SORCS3: variants seen among roughly 807,000 people sequenced by gnomAD.
SORCS3 encodes the protein sortilin related VPS10 domain containing receptor 3.
A neutral mutation model predicts 146.3 loss-of-function variants in SORCS3; 57 were observed. The ratio of observed to expected loss-of-function variants is 0.39; its 90% CI spans 0.31 to 0.49. The LOEUF (loss-of-function observed/expected upper bound fraction) is 0.49. Ranked by LOEUF, SORCS3 falls within the 20% of genes least tolerant of loss-of-function variation. The probability of loss-of-function intolerance (pLI) is 0.92; values close to 1 mark genes in which losing one functional copy is unlikely to be tolerated. For missense variants in SORCS3, 1,341 were observed against 1,575.5 expected, an observed-to-expected ratio of 0.85 and a Z score of 2.52; for synonymous variants, 653 against 618.5, an observed-to-expected ratio of 1.06 and a Z score of -0.83.
chr10:104,996,754 G>A (rs1339100475), intron 4 of SORCS3, among the ~76,000 whole-genome samples: 1 of 152,114 alleles, frequency 6.6e-6, no homozygotes, highest in Non-Finnish European at 1.5e-5. Context: ...ATTACTTAAT[G>A]TGTGAGAAAG....
chr10:105,190,590 G>A (rs904309166), intron 14 of SORCS3, among the ~76,000 whole-genome samples: 5 of 152,072 alleles, frequency 3.3e-5, no homozygotes, highest in African/African-American at 1.2e-4. Context: ...GTAGAGACGG[G>A]ACGGGGTTTC....
intron 14 of SORCS3, among the ~76,000 whole-genome samples, chr10:105,194,471 G>T (rs777316781): frequency 2.0e-5 from 3 of 152,156 alleles, no homozygotes; most frequent in Non-Finnish European, 2.9e-5. Context: ...CTAGCAATGG[G>T]TTTCTGAAAA....
intron 12 of SORCS3, 78 bp from the exon 13 acceptor site, chr10:105,167,180 T>A: frequency 8.7e-7 from 1 of 1,147,026 alleles, no homozygotes; most frequent in Non-Finnish European, 1.3e-6. Flanking sequence ...ACAATATATG[T>A]GAAAGACTGT....
At chr10:105,124,558 A>G (rs974930806) in intron 7 of SORCS3, among the ~76,000 whole-genome samples, 2 of 152,110 alleles carry the variant, frequency 1.3e-5, no homozygotes, top group African/African-American at 4.8e-5. Context: ...CTGCTATTAG[A>G]TTTGGAACTG....
chr10:104,751,951 A>G lies in SORCS3; in HGVS notation c.628-90841A>G. ...TATATATATATATATATATATATATATATATATATATATATATAATAGTTT... is the reference window on the plus strand; with the variant it reads ...TATATATATATATATATATATATATGTATATATATATATATATAATAGTTT... On this transcript the variant is annotated intron_variant, in intron 1 of 26. Transcript: ENST00000369701. 3.4e-5 allele frequency among the ~76,000 whole-genome samples: 4 copies of G among 116,740 alleles called. No individual in the cohort carries two copies. In the South Asian group the frequency reaches 1.1e-3, roughly 33 times the overall value. 76.6% of individuals were successfully genotyped at this position (116,740 alleles called of 152,430 possible).
chr10:105,048,298 G>T (rs7067592), intron 5 of SORCS3, among the ~76,000 whole-genome samples: 138,580 of 144,458 alleles, frequency 0.96, 66,652 homozygotes, highest in Non-Finnish European at 0.99. Flanking sequence ...TGTCCAACAG[G>T]GATAGACTGG....
intron 1 of SORCS3, among the ~76,000 whole-genome samples, chr10:104,716,788 G>A (rs1323837736): frequency 6.6e-6 from 1 of 152,170 alleles, no homozygotes; most frequent in African/African-American, 2.4e-5. Flanking sequence ...CTGAAGTTGA[G>A]TCTCAGGTCA....
At chr10:105,135,066 T>C (rs1200034594) in intron 7 of SORCS3, among the ~76,000 whole-genome samples, 3 of 151,378 alleles carry the variant, frequency 2.0e-5, no homozygotes, top group Admixed American at 2.0e-4. Flanking sequence ...CTCGGTGAAG[T>C]CCAAAACCCA....
At chr10:104,779,168 G>A (rs567203945) in intron 1 of SORCS3, among the ~76,000 whole-genome samples, 1 of 152,358 alleles carries the variant, frequency 6.6e-6, no homozygotes, top group South Asian at 2.1e-4. Flanking sequence ...GGAGCCTCCA[G>A]ACAGAGCCAG....
chr10:105,087,023 T>C (rs2055666253), intron 5 of SORCS3, among the ~76,000 whole-genome samples: 1 of 152,010 alleles, frequency 6.6e-6, no homozygotes, highest in Non-Finnish European at 1.5e-5. Context: ...TCCTGAATGG[T>C]ATTGCTTAGA....
chr10:105,048,224 C>T (rs1453592009), intron 5 of SORCS3, among the ~76,000 whole-genome samples: 14 of 150,242 alleles, frequency 9.3e-5, no homozygotes, highest in South Asian at 2.1e-4. Flanking sequence ...GCTATAAAGA[C>T]ACATGCACAT....
chr10:105,019,902 A>G (rs914814897), intron 4 of SORCS3, among the ~76,000 whole-genome samples: 9 of 152,156 alleles, frequency 5.9e-5, no homozygotes, highest in Non-Finnish European at 1.2e-4. Flanking sequence ...GCAGGGGCTC[A>G]TTTTTCTGGA....
intron 20 of SORCS3, among the ~76,000 whole-genome samples, chr10:105,225,055 G>A (rs572331093): frequency 4.2e-4 from 64 of 152,106 alleles, no homozygotes; most frequent in South Asian, 2.9e-3. Flanking sequence ...TCTTGATAGT[G>A]TCTTTTGTAG....
intron 6 of SORCS3, among the ~76,000 whole-genome samples, chr10:105,096,900 A>T (rs541693926): frequency 1.2e-4 from 18 of 152,364 alleles, no homozygotes; most frequent in African/African-American, 4.3e-4. Context: ...TATTGATGAT[A>T]TGATGAAATG....
At chr10:104,756,835 CTG>C (rs1197854880) in intron 1 of SORCS3, among the ~76,000 whole-genome samples, 3 of 152,158 alleles carry the variant, frequency 2.0e-5, no homozygotes, top group African/African-American at 7.2e-5. Flanking sequence ...AGTTCATGCT[CTG>C]TGCTAGTGTA....
At chr10:105,159,467 G>A (rs1383560450) in intron 11 of SORCS3, among the ~76,000 whole-genome samples, 1 of 152,210 alleles carries the variant, frequency 6.6e-6, no homozygotes, top group Non-Finnish European at 1.5e-5. Flanking sequence ...TTGGCTGAGA[G>A]CCTGAGGGCA....
intron 1 of SORCS3, among the ~76,000 whole-genome samples, chr10:104,707,597 T>C (rs2016350822): frequency 6.6e-6 from 1 of 152,126 alleles, no homozygotes; most frequent in African/African-American, 2.4e-5. Flanking sequence ...CCAACATCCA[T>C]AGAAGGAGGA....
chr10:104,862,434 G>A (rs1243034624), intron 2 of SORCS3, among the ~76,000 whole-genome samples: 2 of 152,156 alleles, frequency 1.3e-5, no homozygotes, highest in Admixed American at 6.5e-5. Flanking sequence ...CAATGGGAAA[G>A]CATTTTAAGC....
chr10:104,651,207 G>A (rs932155023), intron 1 of SORCS3, among the ~76,000 whole-genome samples: 4 of 152,136 alleles, frequency 2.6e-5, no homozygotes, highest in African/African-American at 9.7e-5. Flanking sequence ...TGTTATTCAT[G>A]CTTGAAAGCA....
Sources: allele counts gnomAD v4.1 joint callset (sites outside exome capture counted in the v4.1 genomes callset), GRCh38; gene constraint gnomAD v4.1.1; transcripts MANE v1.5; gene names NCBI Gene and HGNC (gene_info 2026-07-23, HGNC 2026-07-21).